PCDHA12: variants seen among roughly 807,000 people sequenced by gnomAD.
PCDHA12 encodes protocadherin alpha-12.
Under a neutral mutation model 60.0 loss-of-function variants are expected in PCDHA12, and 44 were observed. The observed-to-expected ratio is 0.73, with a 90% confidence interval of 0.58 to 0.94. The LOEUF is 0.94. PCDHA12 is among the 40% of genes least tolerant of loss of function. PCDHA12 has a pLI of 0.00. For synonymous variants in PCDHA12, 569 were observed against 553.0 expected, an observed-to-expected ratio of 1.03 and a Z score of -0.40; for missense variants, 1,276 against 1,239.7, an observed-to-expected ratio of 1.03 and a Z score of -0.44.
chr5:140,987,244 A>T (rs1184597193), intron 3 of PCDHA12, among the ~76,000 whole-genome samples: 1 of 152,018 alleles, frequency 6.6e-6, no homozygotes, highest in Non-Finnish European at 1.5e-5. Context: ...ATAAAGAAAG[A>T]AAGACATTCT....
chr5:141,001,114 A>G (rs1456437716), intron 3 of PCDHA12, among the ~76,000 whole-genome samples: 4 of 152,062 alleles, frequency 2.6e-5, no homozygotes, highest in Non-Finnish European at 4.4e-5. Flanking sequence ...TAAGCAATCA[A>G]TAGTCCTTAA....
chr5:140,977,314 C>T (rs905353961), intron 1 of PCDHA12, among the ~76,000 whole-genome samples: 1 of 152,152 alleles, frequency 6.6e-6, no homozygotes, highest in Non-Finnish European at 1.5e-5. Context: ...AACGATAGTG[C>T]TCCTGATGGC....
rs2098423382 is a variant in PCDHA12, at chr5:141,012,241, T to C, written c.*2304T>C. On this transcript the variant is annotated 3_prime_UTR_variant, in exon 4 of 4. Coordinates refer to ENST00000398631, the MANE Select transcript of PCDHA12 (RefSeq NM_018903.4). ...GTGCTTTCCAATCCATGTTAGTTAC[T>C]AGTTATTACAGCTGTAAGGATAAAA... 6.5e-6 allele frequency: 1 copy of C among 153,802 alleles called. No homozygotes were observed. The highest frequency in any genetic ancestry group is 6.5e-5 in the Admixed American group (1 of 15,284). The allele number at this position is 153,802 out of a possible 1,614,324, so 9.5% of individuals were successfully genotyped here.
At chr5:140,893,273 A>G (rs1381847994) in intron 1 of PCDHA12, among the ~76,000 whole-genome samples, 1 of 152,150 alleles carries the variant, frequency 6.6e-6, no homozygotes, top group Non-Finnish European at 1.5e-5. Context: ...CAATAGTGGA[A>G]TTGCTGGATG....
chr5:140,917,817 T>C (rs2078372214), intron 1 of PCDHA12, among the ~76,000 whole-genome samples: 1 of 152,162 alleles, frequency 6.6e-6, no homozygotes, highest in Non-Finnish European at 1.5e-5. Flanking sequence ...TAGTTGAAGT[T>C]GGGTAGTGTG....
chr5:140,882,656 C>G, intron 1 of PCDHA12: 2 of 1,614,192 alleles, frequency 1.2e-6, no homozygotes, highest in Middle Eastern at 1.6e-4. Flanking sequence ...TAACGACAAC[C>G]CGCCCATATT....
At chr5:140,951,407 A>C (rs115221257) in intron 1 of PCDHA12, among the ~76,000 whole-genome samples, 1 of 152,068 alleles carries the variant, frequency 6.6e-6, no homozygotes, top group Admixed American at 6.6e-5. Flanking sequence ...AAAGAGGTTT[A>C]ATTGGCTCAC....
chr5:140,988,491 AGG>A (rs2097299997), intron 3 of PCDHA12, among the ~76,000 whole-genome samples: 1 of 152,182 alleles, frequency 6.6e-6, no homozygotes, highest in Non-Finnish European at 1.5e-5. Context: ...TCCCCTACCT[AGG>A]AGAAGCCATG....
intron 1 of PCDHA12, chr5:140,882,683 C>G (rs1554175163): frequency 6.2e-7 from 1 of 1,614,148 alleles, no homozygotes; most frequent in Non-Finnish European, 8.5e-7. Flanking sequence ...AAGCAAGAAA[C>G]GAATAATCAT....
chr5:140,883,320 C>T, intron 1 of PCDHA12: 1 of 1,614,112 alleles, frequency 6.2e-7, no homozygotes, highest in Non-Finnish European at 8.5e-7. Flanking sequence ...CCAGAGGTTA[C>T]CATCACTTCT....
At chr5:140,917,047 G>A (rs183820401) in intron 1 of PCDHA12, among the ~76,000 whole-genome samples, 11 of 152,262 alleles carry the variant, frequency 7.2e-5, no homozygotes, top group Admixed American at 5.2e-4. Context: ...GCACAGTGTT[G>A]TTCCCTGCTA....
intron 1 of PCDHA12, chr5:140,928,706 A>T: frequency 6.2e-7 from 1 of 1,613,858 alleles, no homozygotes; most frequent in Non-Finnish European, 8.5e-7. Flanking sequence ...CGGGCGTCTG[A>T]CTCTAGTCTC....
At chr5:140,968,253 C>A (rs782229675) in intron 1 of PCDHA12, 3 of 1,613,908 alleles carry the variant, frequency 1.9e-6, no homozygotes, top group Non-Finnish European at 2.5e-6. Flanking sequence ...GCCACAGACC[C>A]AGATGAAAAG....
At chr5:140,930,616 G>T (rs2086997332) in intron 1 of PCDHA12, among the ~76,000 whole-genome samples, 2 of 152,154 alleles carry the variant, frequency 1.3e-5, no homozygotes, top group African/African-American at 4.8e-5. Context: ...TGCAAGAGAA[G>T]GAGGTGTGTA....
intron 1 of PCDHA12, among the ~76,000 whole-genome samples, chr5:140,913,536 C>A (rs949214910): frequency 4.6e-5 from 7 of 151,882 alleles, no homozygotes; most frequent in Non-Finnish European, 8.8e-5. Context: ...AAAAGATTGA[C>A]TTTTTGTTTT....
intron 3 of PCDHA12, among the ~76,000 whole-genome samples, chr5:140,985,173 G>A (rs939430246): frequency 1.3e-5 from 2 of 152,154 alleles, no homozygotes; most frequent in Admixed American, 6.5e-5. Flanking sequence ...TCCTGACCTC[G>A]TAATCCGCCT....
At chr5:141,009,301 T>C (rs942481990) in intron 3 of PCDHA12, among the ~76,000 whole-genome samples, 1 of 152,122 alleles carries the variant, frequency 6.6e-6, no homozygotes, top group Admixed American at 6.5e-5. Flanking sequence ...TAAAATTTTT[T>C]TTAAAAAGCT....
chr5:140,919,080 T>C (rs1208413625), intron 1 of PCDHA12, among the ~76,000 whole-genome samples: 1 of 152,260 alleles, frequency 6.6e-6, no homozygotes, highest in Non-Finnish European at 1.5e-5. Flanking sequence ...GTTATGACTA[T>C]TGAATTGTCT....
At position 140,876,810 on chromosome 5, in the gene PCDHA12, C is replaced by A; in HGVS notation, c.1338C>A (p.Ala446=). ...CGGCTAGAGTGTCCGTGGAGGTGGC[C>A]GACGTGAACGACAATGCGCCTGCGT... ...WATARVSVEV[A]DVNDNAPAFA... The change falls in exon 1 of 4, where the codon GCC becomes GCA. Residue 446 remains alanine, a synonymous_variant. Coordinates refer to ENST00000398631, the MANE Select transcript of PCDHA12 (RefSeq NM_018903.4). 2 of 1,614,154 alleles carry A rather than the reference C, an allele frequency of 1.2e-6. No homozygotes were observed. Among genetic ancestry groups the A allele is most frequent in the Non-Finnish European group, 1.7e-6 (2 of 1,180,028 alleles).
Sources: allele counts gnomAD v4.1 joint callset (sites outside exome capture counted in the v4.1 genomes callset), GRCh38; gene constraint gnomAD v4.1.1; transcripts MANE v1.5; gene names NCBI Gene and HGNC (gene_info 2026-07-23, HGNC 2026-07-21).